HDAC4: variants seen among roughly 807,000 people sequenced by gnomAD.
HDAC4 encodes the protein histone deacetylase 4.
In HDAC4, 16 loss-of-function variants were observed where a neutral mutation model predicts 135.1. That is an observed-to-expected ratio of 0.12 (90% CI 0.08 to 0.18). HDAC4 has a LOEUF of 0.18. Ranked by LOEUF, HDAC4 falls within the 10% of genes least tolerant of loss-of-function variation. The pLI, the probability that HDAC4 is intolerant of heterozygous loss-of-function variation, is 1.00. For missense variants in HDAC4, 1,143 were observed against 1,511.8 expected (o/e 0.76, Z 4.05); for synonymous variants, 685 against 653.4 (o/e 1.05, Z -0.74).
At position 239,352,731 on chromosome 2, in the gene HDAC4, G is replaced by A. The variant is rs375819534; in HGVS notation, c.-32C>T. 6.8e-5 allele frequency: 105 copies of A among 1,552,160 alleles called. No individual in the cohort carries two copies. The highest frequency in any genetic ancestry group is 4.0e-4 in the South Asian group (34 of 84,186). On this transcript the variant is annotated 5_prime_UTR_variant, in exon 2 of 27. The change creates a premature stop within an existing upstream ORF in the 5' untranslated region. Transcript: ENST00000543185. The surrounding 1 kb of genome is among the most constrained non-coding windows in gnomAD (Gnocchi z 4.4). ...CAATGTCCACTCCTTTAAGTGATTCGAAATGGCTCAAAATTTCCACGGAAA... is the reference window on the plus strand; with the variant it reads ...CAATGTCCACTCCTTTAAGTGATTCAAAATGGCTCAAAATTTCCACGGAAA...
intron 2 of HDAC4, among the ~76,000 whole-genome samples, chr2:239,242,228 G>A (rs1022993656): frequency 1.5e-5 from 2 of 136,726 alleles, no homozygotes; most frequent in African/African-American, 3.0e-5. Context: ...AGGAAGGAGG[G>A]GAAGGGAGGG....
At chr2:239,062,507 A>C (rs1420093283) in intron 24 of HDAC4, among the ~76,000 whole-genome samples, 5 of 152,282 alleles carry the variant, frequency 3.3e-5, no homozygotes, top group African/African-American at 1.2e-4. Flanking sequence ...GACGTGTTTA[A>C]GTAAAAGAAC....
intron 1 of HDAC4, among the ~76,000 whole-genome samples, chr2:239,380,936 C>CA (rs1442318320): frequency 1.3e-5 from 2 of 152,200 alleles, no homozygotes; most frequent in Non-Finnish European, 2.9e-5. Context: ...GGTCACCCCT[C>CA]AGCAGCGCCT....
At chr2:239,242,199 GAA>G (rs1168196777) in intron 2 of HDAC4, among the ~76,000 whole-genome samples, 7 of 131,694 alleles carry the variant, frequency 5.3e-5, no homozygotes, top group Non-Finnish European at 7.9e-5. Flanking sequence ...AAGAGGGAGA[GAA>G]AGAGAGAGGA....
chr2:239,177,961 G>A (rs928228065), intron 4 of HDAC4, among the ~76,000 whole-genome samples: 3 of 152,204 alleles, frequency 2.0e-5, no homozygotes, highest in African/African-American at 7.2e-5. Context: ...AGGGACTCCC[G>A]CAAACCCAGA....
chr2:239,229,585 G>T (rs1360924903), intron 3 of HDAC4, among the ~76,000 whole-genome samples: 1 of 152,180 alleles, frequency 6.6e-6, no homozygotes, highest in Non-Finnish European at 1.5e-5. Context: ...TCACGTTACA[G>T]GTTGGCTTTA....
chr2:239,261,494 G>A (rs2049364356), intron 2 of HDAC4, among the ~76,000 whole-genome samples: 1 of 152,114 alleles, frequency 6.6e-6, no homozygotes, highest in African/African-American at 2.4e-5. Flanking sequence ...GTGCATCCAT[G>A]GGGCATCCTA....
At chr2:239,132,823 T>C (rs1559488124) in intron 11 of HDAC4, among the ~76,000 whole-genome samples, 1 of 152,208 alleles carries the variant, frequency 6.6e-6, no homozygotes, top group Non-Finnish European at 1.5e-5. Context: ...ATCCCAGGAA[T>C]CCTGAAGATC....
intron 16 of HDAC4, among the ~76,000 whole-genome samples, chr2:239,097,284 C>T (rs558447770): frequency 4.3e-4 from 65 of 152,354 alleles, no homozygotes; most frequent in African/African-American, 1.5e-3. Context: ...CTCCCTGCAG[C>T]GCTCAGCAGG....
At chr2:239,250,995 C>T (rs1412318333) in intron 2 of HDAC4, among the ~76,000 whole-genome samples, 1 of 152,208 alleles carries the variant, frequency 6.6e-6, no homozygotes, top group East Asian at 1.9e-4. Context: ...CTTACCGGTG[C>T]AGCCAGCACG....
intron 2 of HDAC4, among the ~76,000 whole-genome samples, chr2:239,326,082 C>A (rs888066929): frequency 2.6e-5 from 4 of 152,136 alleles, no homozygotes; most frequent in African/African-American, 9.7e-5. Flanking sequence ...ATGTTCACAG[C>A]AGCATTAGTC....
intron 1 of HDAC4, among the ~76,000 whole-genome samples, chr2:239,381,734 G>A (rs1050413328): frequency 1.3e-5 from 2 of 152,230 alleles, no homozygotes; most frequent in Non-Finnish European, 2.9e-5. Flanking sequence ...CCCATGTGCT[G>A]TAGAATGTTC....
intron 1 of HDAC4, among the ~76,000 whole-genome samples, chr2:239,376,723 G>A (rs1296893851): frequency 6.6e-6 from 1 of 151,912 alleles, no homozygotes; most frequent in Non-Finnish European, 1.5e-5. Flanking sequence ...CCACACTTGA[G>A]TAACGATTAA....
At chr2:239,179,562 C>T (rs1575312246) in intron 4 of HDAC4, among the ~76,000 whole-genome samples, 1 of 152,174 alleles carries the variant, frequency 6.6e-6, no homozygotes, top group African/African-American at 2.4e-5. Flanking sequence ...CCACCCCTGT[C>T]CACAGAAAAA....
At chr2:239,098,809 G>A (rs2037353252) in intron 16 of HDAC4, among the ~76,000 whole-genome samples, 3 of 152,250 alleles carry the variant, frequency 2.0e-5, no homozygotes, top group African/African-American at 7.2e-5. Context: ...TACTTAGACT[G>A]ATGATAATGA....
intron 3 of HDAC4, among the ~76,000 whole-genome samples, chr2:239,226,831 C>T (rs1486709051): frequency 2.6e-5 from 4 of 152,080 alleles, no homozygotes; most frequent in Non-Finnish European, 5.9e-5. Context: ...TCCTGGGCCG[C>T]GTGGGGAGGC....
chr2:239,137,256 C>T (rs1243861442), intron 9 of HDAC4, among the ~76,000 whole-genome samples: 1 of 152,226 alleles, frequency 6.6e-6, no homozygotes, highest in Admixed American at 6.5e-5. Context: ...GAGGCTGGCG[C>T]CCCCGGACCG....
chr2:239,084,331 C>T lies in HDAC4; in HGVS notation c.2445-89G>A, dbSNP rs566910750. On this transcript the variant is annotated intron_variant, in intron 19 of 26. Coordinates refer to ENST00000543185, the MANE Select transcript of HDAC4 (RefSeq NM_001378414.1). ...CCGCCAGAGAGCCACTCGGGGTCCA[C>T]GCAGACCTAAGAGGTCTCTGTGAGT... The T allele has an allele frequency of 2.2e-4, 191 of 875,104 alleles. No homozygotes were observed. The African/African-American group carries it at 2.9e-3, about 13-fold the overall frequency. 54.2% of individuals were successfully genotyped at this position (875,104 alleles called of 1,614,324 possible). A position where few individuals can be genotyped will look rare whatever the true frequency, so the allele number is the denominator to read the frequency against.
intron 2 of HDAC4, among the ~76,000 whole-genome samples, chr2:239,302,521 G>T (rs1245462044): frequency 6.6e-6 from 1 of 152,222 alleles, no homozygotes; most frequent in Admixed American, 6.5e-5. Flanking sequence ...CTTCCCCCAG[G>T]AAGGAGAATC....
Sources: gnomAD v4.1 joint callset for allele counts (sites outside exome capture counted in the v4.1 genomes callset) on GRCh38, gnomAD v4.1.1 for gene constraint, Gnocchi (gnomAD v3.1) non-coding constraint, MANE v1.5 for transcripts, NCBI Gene and HGNC (gene_info 2026-07-23, HGNC 2026-07-21) for gene names.